Variants in FBN1 observed in about 807,000 individuals in gnomAD.
FBN1 encodes fibrillin-1.
In FBN1, 29 loss-of-function variants were observed where a neutral mutation model predicts 365.1. That is an observed-to-expected ratio of 0.08 (90% CI 0.06 to 0.11). FBN1 has a LOEUF of 0.11. FBN1 is among the 10% of genes least tolerant of loss of function. FBN1 has a pLI of 1.00. For synonymous variants in FBN1, 1,210 were observed against 1,270.5 expected (o/e 0.95, Z 1.01); for missense variants, 2,476 against 3,703.2 (o/e 0.67, Z 8.60).
At chr15:48,595,736 C>A (rs2044510499) in intron 6 of FBN1, among the ~76,000 whole-genome samples, 1 of 152,162 alleles carries the variant, frequency 6.6e-6, no homozygotes, top group Non-Finnish European at 1.5e-5. Context: ...ATTCTACACA[C>A]TCTAGCAGGC....
intron 42 of FBN1, among the ~76,000 whole-genome samples, chr15:48,460,693 C>T (rs994156770): frequency 1.3e-5 from 2 of 152,020 alleles, no homozygotes; most frequent in African/African-American, 2.4e-5. Context: ...TTGAGGAACA[C>T]GTATAAAAGC....
chr15:48,635,226 G>A (rs1365911578), intron 2 of FBN1, among the ~76,000 whole-genome samples: 1 of 152,170 alleles, frequency 6.6e-6, no homozygotes, highest in Non-Finnish European at 1.5e-5. Flanking sequence ...TGGGAATGGT[G>A]GAGATAGGGA....
At chr15:48,516,110 C>T (rs1386135793) in intron 11 of FBN1, 73 bp downstream of exon 11, 2 of 1,381,006 alleles carry the variant, frequency 1.4e-6, no homozygotes, top group African/African-American at 1.4e-5. Flanking sequence ...ACTAAAGTAG[C>T]ATAAATAAAT....
In FBN1 at chr15:48,541,797, G is replaced by A. The variant is rs368503079; in HGVS notation, c.539-3989C>T. ...GTGCTTAACTCAAAGCTTGTGTAAC[G>A]TCTGACTCATTCCTGGCTTCAGTGT... On this transcript the variant is annotated intron_variant, in intron 6 of 65. Coordinates refer to ENST00000316623, the MANE Select transcript of FBN1 (RefSeq NM_000138.5). 4.3e-4 allele frequency among the ~76,000 whole-genome samples: 64 copies of A among 148,930 alleles called. 1 individual carries two copies. Among genetic ancestry groups the A allele is most frequent in the East Asian group, 3.6e-3 (18 of 5,046 alleles).
At chr15:48,636,751 G>A (rs1223476805) in intron 2 of FBN1, among the ~76,000 whole-genome samples, 1 of 152,204 alleles carries the variant, frequency 6.6e-6, no homozygotes, top group Non-Finnish European at 1.5e-5. Flanking sequence ...ATGCATATGT[G>A]AAGAAGTCAT....
At chr15:48,441,350 C>G (rs981754472) in intron 50 of FBN1, among the ~76,000 whole-genome samples, 2 of 152,124 alleles carry the variant, frequency 1.3e-5, no homozygotes, top group African/African-American at 4.8e-5. Flanking sequence ...TCAAGTCTAA[C>G]TTTGGACCCA....
intron 6 of FBN1, among the ~76,000 whole-genome samples, chr15:48,588,235 C>T (rs2044451324): frequency 6.6e-6 from 1 of 152,078 alleles, no homozygotes; most frequent in South Asian, 2.1e-4. Context: ...ATTTTTAATA[C>T]TGAGTATCTA....
At chr15:48,457,435 G>A (rs767999631) in intron 43 of FBN1, among the ~76,000 whole-genome samples, 24 of 152,138 alleles carry the variant, frequency 1.6e-4, no homozygotes, top group Non-Finnish European at 2.9e-4. Flanking sequence ...AATTTGTTCA[G>A]TTAAGAGCAA....
Position 48,578,787 on chromosome 15 carries a change from A to G in FBN1, c.538+17496T>C, listed in dbSNP as rs111240613. On this transcript the variant is annotated intron_variant, in intron 6 of 65. Coordinates refer to ENST00000316623, the MANE Select transcript of FBN1 (RefSeq NM_000138.5). Reference sequence around the variant, plus strand: ...AACCAAACACCGCATATTCTCACTCATAGGTGGGAATTGAACAATGAGATC... The same window carrying G: ...AACCAAACACCGCATATTCTCACTCGTAGGTGGGAATTGAACAATGAGATC... Among the ~76,000 whole-genome samples the G allele has an allele frequency of 6.5e-3, 899 of 138,878 alleles. 7 individuals are homozygous for G. The highest frequency in any genetic ancestry group is 0.023 in the African/African-American group (871 of 37,640). The allele number at this position is 138,878 out of a possible 152,430, so 91.1% of individuals were successfully genotyped here.
Position 48,441,865 on chromosome 15 carries a change from TCAAA to T in FBN1, c.6038-23_6038-20del, listed in dbSNP as rs1445333288. The T allele has an allele frequency of 6.2e-6, 10 of 1,611,910 alleles. No individual in the cohort carries two copies. The highest frequency in any genetic ancestry group is 5.9e-6 in the Non-Finnish European group (7 of 1,179,270). On this transcript the variant is annotated intron_variant, in intron 49 of 65. Transcript: ENST00000316623. ...TCAATATCTAAAAGAATCACATGAG[TCAAA>T]CAAAGTCAAAACACGATGGAGACAT...
chr15:48,624,379 G>C (rs941144159), intron 2 of FBN1, among the ~76,000 whole-genome samples: 5 of 152,220 alleles, frequency 3.3e-5, no homozygotes, highest in African/African-American at 1.2e-4. Context: ...ATAACTTGCT[G>C]TCCTAGTGTG....
intron 44 of FBN1, among the ~76,000 whole-genome samples, chr15:48,453,318 A>C (rs2043216640): frequency 1.4e-5 from 2 of 142,732 alleles, no homozygotes; most frequent in African/African-American, 5.3e-5. Context: ...ACACAAAAAA[A>C]AAGGAAAAAA....
At chr15:48,630,983 C>T (rs1017914868) in intron 2 of FBN1, among the ~76,000 whole-genome samples, 2 of 152,026 alleles carry the variant, frequency 1.3e-5, no homozygotes, top group African/African-American at 2.4e-5. Context: ...ATGAAGCAAC[C>T]GCAACTTCTT....
At chr15:48,517,537 T>C (rs2043815854) in intron 10 of FBN1, among the ~76,000 whole-genome samples, 1 of 152,212 alleles carries the variant, frequency 6.6e-6, no homozygotes, top group Non-Finnish European at 1.5e-5. Flanking sequence ...GATTACTATT[T>C]TTCACAGTGT....
intron 62 of FBN1, 42 bp from the exon 63 acceptor site, chr15:48,420,848 T>G (rs1597512792): frequency 6.2e-7 from 1 of 1,611,118 alleles, no homozygotes; most frequent in South Asian, 1.1e-5. Flanking sequence ...ACTCAACATC[T>G]CTCTCTGAAG....
chr15:48,609,081 C>G (rs896875844), intron 4 of FBN1, among the ~76,000 whole-genome samples: 54 of 152,342 alleles, frequency 3.5e-4, no homozygotes, highest in African/African-American at 1.2e-3. Flanking sequence ...GATGCTTATG[C>G]TTCAGCGGCA....
At chr15:48,536,230 A>T (rs1295606767) in intron 7 of FBN1, among the ~76,000 whole-genome samples, 3 of 152,106 alleles carry the variant, frequency 2.0e-5, no homozygotes, top group Non-Finnish European at 1.5e-5. Context: ...TATAAAAAAC[A>T]TTTTTTTTCT....
chr15:48,486,498 A>G (rs1271347053), intron 29 of FBN1, among the ~76,000 whole-genome samples: 1 of 152,232 alleles, frequency 6.6e-6, no homozygotes, highest in Non-Finnish European at 1.5e-5. Flanking sequence ...GGCTGACCAC[A>G]AAGCAAAATT....
Position 48,445,418 on chromosome 15 carries a change from T to C in FBN1, c.5875A>G (p.Asn1959Asp), listed in dbSNP as rs956702513. 5.0e-6 allele frequency: 8 copies of C among 1,612,670 alleles called. No homozygotes were observed. Among genetic ancestry groups the C allele is most frequent in the Non-Finnish European group, 6.8e-6 (8 of 1,179,212 alleles). Reference protein sequence around the residue: ...NTVGSFQCQCNEGYEVAPDGR... With the variant: ...NTVGSFQCQCDEGYEVAPDGR... ...TCTGGAGCCACCTCATAGCCTTCAT[T>C]GCACTGGCACTGGAAAGACCCCACT... The change falls in exon 48 of 66, where the codon AAT (asparagine) becomes GAT (aspartate). Residue 1959 changes from asparagine to aspartate, a missense_variant. This residue lies in a region of FBN1 where 1,780 missense variants were observed against 2,840.8 expected (regional missense o/e 0.63). Coordinates refer to ENST00000316623, the MANE Select transcript of FBN1 (RefSeq NM_000138.5).
Sources: gnomAD v4.1 joint callset for allele counts (sites outside exome capture counted in the v4.1 genomes callset) on GRCh38, gnomAD v4.1.1 for gene constraint, gnomAD v4.1.1 regional missense constraint, MANE v1.5 for transcripts, NCBI Gene and HGNC (gene_info 2026-07-23, HGNC 2026-07-21) for gene names.